The following KAZN variants were observed in gnomAD, a reference collection of about 807,000 sequenced individuals.
The protein encoded by KAZN is kazrin.
In KAZN, 40 loss-of-function variants were observed where a neutral mutation model predicts 87.4. The observed-to-expected ratio is 0.46, with a 90% CI of 0.36 to 0.60. The LOEUF (loss-of-function observed/expected upper bound fraction) is 0.60. KAZN is among the 20% of genes least tolerant of loss of function. The pLI is 0.00. For missense variants in KAZN, 898 were observed against 1,073.9 expected (o/e 0.84, Z 2.29); for synonymous variants, 466 against 458.3 (o/e 1.02, Z -0.22).
chr1:14,994,677 T>A (rs1327245497), intron 2 of KAZN, among the ~76,000 whole-genome samples: 1 of 152,218 alleles, frequency 6.6e-6, no homozygotes, highest in Non-Finnish European at 1.5e-5. Context: ...TTAGAGGCAG[T>A]GCCACGTGGG....
intron 2 of KAZN, among the ~76,000 whole-genome samples, chr1:14,577,831 G>T (rs752521159): frequency 6.6e-6 from 1 of 152,154 alleles, no homozygotes; most frequent in South Asian, 2.1e-4. Flanking sequence ...GCAAGGCCAA[G>T]ATATTATCAT....
chr1:14,777,673 ACT>A (rs1352214781), intron 1 of KAZN, among the ~76,000 whole-genome samples: 1 of 152,092 alleles, frequency 6.6e-6, no homozygotes, highest in Non-Finnish European at 1.5e-5. Context: ...CTTCCTCGTC[ACT>A]CTGCCTCCTC....
intron 1 of KAZN, among the ~76,000 whole-genome samples, chr1:14,665,012 G>C (rs1300838954): frequency 1.3e-5 from 2 of 152,182 alleles, no homozygotes; most frequent in African/African-American, 2.4e-5. Flanking sequence ...CCCAGTGTTT[G>C]AGAACCAACA....
intron 1 of KAZN, among the ~76,000 whole-genome samples, chr1:14,681,512 C>T (rs979537055): frequency 1.3e-5 from 2 of 149,064 alleles, no homozygotes; most frequent in African/African-American, 2.5e-5. Context: ...ACTCCATTTT[C>T]AGCTTGAAAG....
At chr1:14,254,132 G>A (rs1295894666) in intron 2 of KAZN, among the ~76,000 whole-genome samples, 2 of 152,040 alleles carry the variant, frequency 1.3e-5, no homozygotes, top group Non-Finnish European at 2.9e-5. Context: ...CTAATTAGGG[G>A]GAAAGAAGAG....
chr1:14,384,382 C>A (rs915715734), intron 2 of KAZN, among the ~76,000 whole-genome samples: 1 of 152,106 alleles, frequency 6.6e-6, no homozygotes, highest in African/African-American at 2.4e-5. Flanking sequence ...GGGGGCATTC[C>A]TGTCTTGTGC....
intron 1 of KAZN, among the ~76,000 whole-genome samples, chr1:14,695,793 C>T (rs565715375): frequency 1.7e-4 from 26 of 152,060 alleles, no homozygotes; most frequent in Middle Eastern, 3.4e-3. Flanking sequence ...CATGAGCCAC[C>T]GTGCCCGGCC....
At chr1:14,667,856 A>G (rs772698209) in intron 1 of KAZN, among the ~76,000 whole-genome samples, 5 of 152,120 alleles carry the variant, frequency 3.3e-5, no homozygotes, top group Non-Finnish European at 7.4e-5. Context: ...ATTAGATACC[A>G]TTCTATACAA....
chr1:15,001,219 T>C (rs918246210), intron 2 of KAZN, among the ~76,000 whole-genome samples: 1 of 151,180 alleles, frequency 6.6e-6, no homozygotes, highest in African/African-American at 2.4e-5. Context: ...CCCAGCACTT[T>C]GGGAGGCTGA....
intron 1 of KAZN, among the ~76,000 whole-genome samples, chr1:14,127,993 T>A (rs1644911346): frequency 6.6e-6 from 1 of 151,862 alleles, no homozygotes; most frequent in Admixed American, 6.6e-5. Flanking sequence ...GGAGTCAGAG[T>A]CCAAGTTTAC....
intron 2 of KAZN, among the ~76,000 whole-genome samples, chr1:14,475,456 G>A (rs945412459): frequency 3.9e-5 from 6 of 152,108 alleles, no homozygotes; most frequent in Non-Finnish European, 5.9e-5. Flanking sequence ...TTCACCTCCC[G>A]TATCTTGTGT....
At chr1:14,783,373 C>T (rs1183289609) in intron 1 of KAZN, among the ~76,000 whole-genome samples, 2 of 152,030 alleles carry the variant, frequency 1.3e-5, no homozygotes, top group African/African-American at 4.8e-5. Context: ...AGGAAGAGCC[C>T]ACATGCAGAG....
At chr1:14,963,672 C>T (rs1298261676) in intron 2 of KAZN, among the ~76,000 whole-genome samples, 2 of 152,266 alleles carry the variant, frequency 1.3e-5, no homozygotes, top group Admixed American at 1.3e-4. Flanking sequence ...ATGTGCAGAA[C>T]GTGCAGGTTT....
chr1:14,942,452 G>A (rs757687226), intron 1 of KAZN, among the ~76,000 whole-genome samples: 13 of 152,190 alleles, frequency 8.5e-5, no homozygotes, highest in Non-Finnish European at 1.3e-4. Context: ...AAACGCTTCC[G>A]ACCCGCTCCA....
chr1:14,681,620 T>C (rs1164358894), intron 1 of KAZN, among the ~76,000 whole-genome samples: 2 of 6,418 alleles, frequency 3.1e-4, no homozygotes, highest in Admixed American at 1.9e-3. Flanking sequence ...TGTGTATATA[T>C]ATATATATAT....
chr1:14,886,038 T>G (rs1004340207), intron 1 of KAZN, among the ~76,000 whole-genome samples: 1 of 151,794 alleles, frequency 6.6e-6, no homozygotes, highest in African/African-American at 2.4e-5. Flanking sequence ...CCACAACACC[T>G]GCAAATGTGG....
intron 2 of KAZN, among the ~76,000 whole-genome samples, chr1:14,498,646 C>A (rs1466934980): frequency 1.3e-5 from 2 of 152,022 alleles, no homozygotes; most frequent in African/African-American, 2.4e-5. Flanking sequence ...GAGCTGAGAT[C>A]AGGCCACTGC....
chr1:14,966,673 G>A (rs575755047), intron 2 of KAZN, among the ~76,000 whole-genome samples: 1 of 151,298 alleles, frequency 6.6e-6, no homozygotes, highest in South Asian at 2.1e-4. Context: ...TTTTACCCAC[G>A]TTTTTTTTTC....
chr1:15,078,434 G>A (rs1197656496), intron 8 of KAZN, among the ~76,000 whole-genome samples: 5 of 152,068 alleles, frequency 3.3e-5, no homozygotes, highest in East Asian at 1.9e-4. Flanking sequence ...GTGATGGAAC[G>A]AGGCCAAGAA....
Sources: allele counts gnomAD v4.1 joint callset (sites outside exome capture counted in the v4.1 genomes callset), GRCh38; gene constraint gnomAD v4.1.1; transcripts MANE v1.5; gene names NCBI Gene and HGNC (gene_info 2026-07-23, HGNC 2026-07-21).